SIPA1L3: variants seen among roughly 807,000 people sequenced by gnomAD.
The protein encoded by SIPA1L3 is signal induced proliferation associated 1 like 3, also known as signal-induced proliferation-associated 1-like protein 3.
In SIPA1L3, 59 loss-of-function variants were observed where a neutral mutation model predicts 150.1. The ratio of observed to expected loss-of-function variants is 0.39; its 90% CI spans 0.32 to 0.49. SIPA1L3 has a LOEUF of 0.49. SIPA1L3 is among the 20% of genes least tolerant of loss of function. SIPA1L3 has a pLI of 0.86. For synonymous variants in SIPA1L3, 1,070 were observed against 1,077.6 expected (o/e 0.99, Z 0.14); for missense variants, 2,211 against 2,489.5 (o/e 0.89, Z 2.38).
At chr19:37,932,796 T>TC (rs2046567438) in intron 1 of SIPA1L3, 2 of 152,184 alleles carry the variant, frequency 1.3e-5, no homozygotes, top group African/African-American at 4.8e-5. Flanking sequence ...TCTCTTTTTT[T>TC]CCCCCCTCTT....
intron 12 of SIPA1L3, among the ~76,000 whole-genome samples, chr19:38,145,821 G>T (rs1971692630): frequency 6.6e-6 from 1 of 151,332 alleles, no homozygotes; most frequent in African/African-American, 2.4e-5. Context: ...TTCCCCCTGT[G>T]CCTAACCCCT....
rs552646225 is a variant in SIPA1L3 at position 37,939,397 on chromosome 19, G to A, written c.-379+32039G>A. 3.5e-5 allele frequency among the ~76,000 whole-genome samples: 3 copies of A among 84,754 alleles called. No individual in the cohort carries two copies. The South Asian group carries it at 1.3e-3, about 35-fold the overall frequency. The allele number at this position is 84,754 out of a possible 152,430, so 55.6% of individuals were successfully genotyped here. A position where few individuals can be genotyped will look rare whatever the true frequency, so the allele number is the denominator to read the frequency against. ...CCTGGGCGACAGAGTGAGACTCCAT[G>A]TCAAAAAAAAAAAAAAAAAAAAAGG... is the stretch of plus-strand genomic sequence containing the variant. On this transcript the variant is annotated intron_variant, in intron 1 of 21. Transcript: ENST00000222345.
At chr19:37,994,604 A>G (rs905204906) in intron 1 of SIPA1L3, among the ~76,000 whole-genome samples, 3 of 152,192 alleles carry the variant, frequency 2.0e-5, no homozygotes, top group African/African-American at 7.2e-5. Flanking sequence ...GGGATGGATG[A>G]GGAAATATAC....
intron 17 of SIPA1L3, among the ~76,000 whole-genome samples, chr19:38,193,304 G>T (rs550359572): frequency 6.8e-6 from 1 of 146,240 alleles, no homozygotes; most frequent in Non-Finnish European, 1.5e-5. Flanking sequence ...AGCTGAGATC[G>T]CCCCATTATA....
At position 38,046,207 on chromosome 19, in the gene SIPA1L3, G is replaced by A. The variant is rs1372051904; in HGVS notation, c.-311+17051G>A. ...GCCTCTAGGAAAGAAGCAGCTTGCT[G>A]GTCCATCCCAGGCTGCTGGGAGGCC... is the stretch of plus-strand genomic sequence containing the variant. On this transcript the variant is annotated intron_variant, in intron 2 of 21. Coordinates refer to ENST00000222345, the MANE Select transcript of SIPA1L3 (RefSeq NM_015073.3). The surrounding 1 kb of genome is among the most constrained non-coding windows in gnomAD (Gnocchi z 5.6). Among the ~76,000 whole-genome samples the A allele has an allele frequency of 1.3e-5, 2 of 152,096 alleles. No individual in the cohort carries two copies. The highest frequency in any genetic ancestry group is 2.4e-5 in the African/African-American group (1 of 41,410).
At chr19:38,034,836 G>A (rs1053852718) in intron 2 of SIPA1L3, among the ~76,000 whole-genome samples, 7 of 152,196 alleles carry the variant, frequency 4.6e-5, no homozygotes, top group African/African-American at 1.7e-4. Flanking sequence ...TTCCCAGGAT[G>A]AGCCTTCTAG....
chr19:38,120,241 C>T (rs62121436), intron 9 of SIPA1L3, among the ~76,000 whole-genome samples: 3,530 of 151,510 alleles, frequency 0.023, 62 homozygotes, highest in Middle Eastern at 0.075. Flanking sequence ...GGTGGTGGAT[C>T]GCTTGAGCCC....
At chr19:37,970,783 C>T (rs960552745) in intron 1 of SIPA1L3, among the ~76,000 whole-genome samples, 11 of 152,148 alleles carry the variant, frequency 7.2e-5, no homozygotes, top group South Asian at 4.1e-4. Context: ...CTAAAGATGT[C>T]GGGTATTAGT....
At chr19:38,178,130 TGTGTGTG>T in intron 15 of SIPA1L3, among the ~76,000 whole-genome samples, 1 of 131,632 alleles carries the variant, frequency 7.6e-6, no homozygotes, top group African/African-American at 2.9e-5. Context: ...TGTGTGTGTG[TGTGTGTG>T]TTTTGTAGCT....
At chr19:38,064,329 G>T (rs1969520128) in intron 2 of SIPA1L3, among the ~76,000 whole-genome samples, 1 of 152,236 alleles carries the variant, frequency 6.6e-6, no homozygotes, top group South Asian at 2.1e-4. Flanking sequence ...TGGCCCCTGA[G>T]CCCAGAGGAA....
chr19:38,058,692 C>T (rs1223972382), intron 2 of SIPA1L3, among the ~76,000 whole-genome samples: 3 of 152,110 alleles, frequency 2.0e-5, no homozygotes, highest in African/African-American at 7.2e-5. Flanking sequence ...AGAGGGTGAT[C>T]AAACAGCTGA....
At chr19:37,998,159 G>A (rs1301061440) in intron 1 of SIPA1L3, among the ~76,000 whole-genome samples, 2 of 152,204 alleles carry the variant, frequency 1.3e-5, no homozygotes, top group Non-Finnish European at 2.9e-5. Context: ...CTTTTGATGA[G>A]TGCATGAATG....
intron 19 of SIPA1L3, chr19:38,200,710 C>T (rs955255208): frequency 2.6e-5 from 4 of 151,850 alleles, no homozygotes; most frequent in African/African-American, 9.7e-5. Flanking sequence ...GGCAGATCAC[C>T]TGAGGTCGGG....
chr19:38,124,809 G>C (rs1279723162), intron 9 of SIPA1L3, among the ~76,000 whole-genome samples: 6 of 152,144 alleles, frequency 3.9e-5, no homozygotes, highest in Admixed American at 3.3e-4. Flanking sequence ...AGACCAGCCC[G>C]GCCATCACAG....
At chr19:37,927,039 A>C (rs2046509948) in intron 1 of SIPA1L3, among the ~76,000 whole-genome samples, 1 of 151,592 alleles carries the variant, frequency 6.6e-6, no homozygotes, top group African/African-American at 2.4e-5. Flanking sequence ...CAGAGGGTAC[A>C]TGTGAAGGTT....
intron 15 of SIPA1L3, among the ~76,000 whole-genome samples, chr19:38,169,688 C>T (rs888256712): frequency 1.3e-5 from 2 of 152,230 alleles, no homozygotes; most frequent in African/African-American, 4.8e-5. Context: ...CTCAAATTCA[C>T]GAAATCAGAA....
intron 2 of SIPA1L3, among the ~76,000 whole-genome samples, chr19:38,038,368 A>G (rs1316156574): frequency 1.3e-5 from 2 of 152,080 alleles, no homozygotes; most frequent in African/African-American, 4.8e-5. Flanking sequence ...CCAGGTGAGC[A>G]GATCACCTGT....
chr19:38,188,715 G>T (rs952106740), intron 16 of SIPA1L3, among the ~76,000 whole-genome samples: 5 of 151,992 alleles, frequency 3.3e-5, no homozygotes, highest in Middle Eastern at 3.4e-3. Flanking sequence ...GAGGTCAGGA[G>T]ATCGAGACCA....
chr19:38,041,875 C>T (rs1968933847), intron 2 of SIPA1L3, among the ~76,000 whole-genome samples: 1 of 152,140 alleles, frequency 6.6e-6, no homozygotes, highest in Admixed American at 6.5e-5. Context: ...ACACCTGGCC[C>T]TTTGCTAATT....
Sources: gnomAD v4.1 joint callset for allele counts (sites outside exome capture counted in the v4.1 genomes callset) on GRCh38, gnomAD v4.1.1 for gene constraint, Gnocchi (gnomAD v3.1) non-coding constraint, MANE v1.5 for transcripts, NCBI Gene and HGNC (gene_info 2026-07-23, HGNC 2026-07-21) for gene names.